Variants in POU2F1 observed in about 807,000 individuals in gnomAD.
The protein encoded by POU2F1 is POU domain, class 2, transcription factor 1.
In POU2F1, 16 loss-of-function variants were observed where a neutral mutation model predicts 84.9. The ratio of observed to expected loss-of-function variants is 0.19; its 90% CI spans 0.13 to 0.29. The LOEUF is 0.29. Ranked by LOEUF, POU2F1 falls within the 10% of genes least tolerant of loss-of-function variation. The pLI, the probability that POU2F1 is intolerant of heterozygous loss-of-function variation, is 1.00. For synonymous variants in POU2F1, 368 were observed against 368.3 expected (o/e 1.00, Z 0.01); for missense variants, 738 against 942.6 (o/e 0.78, Z 2.84).
intron 13 of POU2F1, among the ~76,000 whole-genome samples, chr1:167,403,581 C>CT (rs1190245565): frequency 6.6e-6 from 1 of 152,136 alleles, no homozygotes; most frequent in Non-Finnish European, 1.5e-5. Context: ...TTTATACTGC[C>CT]TTCTTTTTTT....
At chr1:167,349,871 A>G (rs1658442404) in intron 2 of POU2F1, among the ~76,000 whole-genome samples, 1 of 152,228 alleles carries the variant, frequency 6.6e-6, no homozygotes, top group Non-Finnish European at 1.5e-5. Flanking sequence ...AGTCTTGTGT[A>G]TATGGGCGTA....
chr1:167,275,019 G>T, intron 1 of POU2F1, among the ~76,000 whole-genome samples: 1 of 146,722 alleles, frequency 6.8e-6, no homozygotes, highest in African/African-American at 2.5e-5. Flanking sequence ...ATCTTACTTA[G>T]TCAAATAAAT....
chr1:167,287,021 G>A (rs61806106), intron 1 of POU2F1, among the ~76,000 whole-genome samples: 3,181 of 152,262 alleles, frequency 0.021, 241 homozygotes, highest in Admixed American at 0.15. Flanking sequence ...TGTTGTACTG[G>A]ATCTTCTCGA....
Position 167,398,101 on chromosome 1 carries a change from A to G in POU2F1, c.1237A>G (p.Ile413Val), listed in dbSNP as rs1209729012. ...RKKRTSIETN[I>V]RVALEKSFLE... is the part of the protein sequence containing the mutation. ...GAAACGCACCAGCATAGAGACCAAC[A>G]TCCGTGTGGCCTTAGAGAAGAGTTT... The change falls in exon 11 of 16, where the codon ATC becomes GTC. Residue 413 changes from isoleucine to valine, a missense_variant. Physicochemically the swap from Ile to Val is conservative, Grantham distance 29 (BLOSUM62 3). Around this residue, in one of 4 missense-constraint regions of POU2F1, gnomAD observed 95 missense variants for 195.1 expected, o/e 0.49. Transcript: ENST00000367866. 6.2e-7 allele frequency: 1 copy of G among 1,614,004 alleles called. No homozygotes were observed. The highest frequency in any genetic ancestry group is 1.3e-5 in the African/African-American group (1 of 74,914).
chr1:167,361,040 G>A (rs1360201631), intron 2 of POU2F1, among the ~76,000 whole-genome samples: 3 of 151,916 alleles, frequency 2.0e-5, no homozygotes, highest in African/African-American at 7.3e-5. Context: ...TTCATGTATA[G>A]GAATGCTACT....
At chr1:167,386,179 T>C (rs1391180411) in intron 8 of POU2F1, among the ~76,000 whole-genome samples, 1 of 152,170 alleles carries the variant, frequency 6.6e-6, no homozygotes, top group Non-Finnish European at 1.5e-5. Context: ...TTGGAAATTA[T>C]TTTGGCAGTT....
chr1:167,349,663 T>A (rs576742265), intron 2 of POU2F1, among the ~76,000 whole-genome samples: 1 of 152,324 alleles, frequency 6.6e-6, no homozygotes, highest in South Asian at 2.1e-4. Flanking sequence ...TTTTATAACC[T>A]CAGCATCTGG....
At position 167,376,052 on chromosome 1, in the gene POU2F1, T is replaced by A; in HGVS notation, c.615T>A (p.Leu205=). 6.2e-7 allele frequency: 1 copy of A among 1,614,244 alleles called. No individual in the cohort carries two copies. Among genetic ancestry groups the A allele is most frequent in the Non-Finnish European group, 8.5e-7 (1 of 1,180,032 alleles). The change falls in exon 7 of 16, where the codon CTT becomes CTA. Residue 205 remains leucine (L), a synonymous_variant. Coordinates refer to ENST00000367866, the MANE Select transcript of POU2F1 (RefSeq NM_002697.4). ...IAQDLQQLQQ[L]QQQNLNLQQF... ...AGGATCTTCAACAACTGCAACAGCT[T>A]CAACAGCAGAATCTCAACCTGCAAC...
chr1:167,421,767 A>G lies in POU2F1; in HGVS notation c.*5957A>G, dbSNP rs1479481790. ...GTTTTAAACTAAAAACCAAATAAAT[A>G]AGTGAAAAAATTTTATAAATAGTGG... On this transcript the variant is annotated 3_prime_UTR_variant, in exon 16 of 16. Transcript: ENST00000367866. The G allele has an allele frequency of 6.6e-6, 1 of 152,182 alleles. No individual in the cohort carries two copies. The highest frequency in any genetic ancestry group is 1.5e-5 in the Non-Finnish European group (1 of 68,032). 9.4% of individuals were successfully genotyped at this position (152,182 alleles called of 1,614,324 possible).
intron 1 of POU2F1, among the ~76,000 whole-genome samples, chr1:167,313,124 A>T (rs1014306056): frequency 6.6e-6 from 1 of 152,218 alleles, no homozygotes; most frequent in Non-Finnish European, 1.5e-5. Context: ...ATCCAACAAA[A>T]CATGTACAGG....
At chr1:167,227,358 C>G (rs1359816708) in intron 1 of POU2F1, among the ~76,000 whole-genome samples, 3 of 152,102 alleles carry the variant, frequency 2.0e-5, no homozygotes, top group Admixed American at 6.6e-5. Context: ...GTTTCCCCCC[C>G]TCTGTTGAAC....
intron 1 of POU2F1, among the ~76,000 whole-genome samples, chr1:167,250,634 T>C (rs974247889): frequency 6.6e-6 from 1 of 152,226 alleles, no homozygotes; most frequent in Non-Finnish European, 1.5e-5. Flanking sequence ...CTTTAAACTT[T>C]GGCATAGCCA....
Position 167,246,642 on chromosome 1 carries a change from A to G in POU2F1, c.61+25684A>G, listed in dbSNP as rs144720483. Among the ~76,000 whole-genome samples the G allele has an allele frequency of 1.1e-3, 162 of 152,338 alleles. 2 individuals are homozygous for G. The East Asian group carries it at 0.028, about 26-fold the overall frequency. The stretch of plus-strand genomic sequence containing the variant: ...ATTTTCAGTGCTGACTGACAAATGC[A>G]GTAAATTGGACACTCATATCTGTTA... On this transcript the variant is annotated intron_variant, in intron 1 of 15. Transcript: ENST00000367866.
At chr1:167,334,611 CTTG>C (rs1657312586) in intron 2 of POU2F1, among the ~76,000 whole-genome samples, 2 of 152,102 alleles carry the variant, frequency 1.3e-5, no homozygotes, top group Non-Finnish European at 2.9e-5. Context: ...GACTGGAGCA[CTTG>C]TTGTAACCGT....
At chr1:167,256,211 A>G (rs1651122669) in intron 1 of POU2F1, among the ~76,000 whole-genome samples, 2 of 152,174 alleles carry the variant, frequency 1.3e-5, no homozygotes, top group Non-Finnish European at 2.9e-5. Context: ...GCCTGAGAAT[A>G]AGAAAATACA....
At chr1:167,398,649 T>C (rs1272936905) in intron 11 of POU2F1, among the ~76,000 whole-genome samples, 1 of 152,204 alleles carries the variant, frequency 6.6e-6, no homozygotes, top group Non-Finnish European at 1.5e-5. Context: ...CAATTATTTT[T>C]TTGTACCAGG....
At chr1:167,319,905 C>T (rs951619639) in intron 1 of POU2F1, among the ~76,000 whole-genome samples, 1 of 152,198 alleles carries the variant, frequency 6.6e-6, no homozygotes, top group Non-Finnish European at 1.5e-5. Flanking sequence ...ATAGCTTTAG[C>T]TTCTTTCCAG....
At chr1:167,227,183 G>A (rs577938715) in intron 1 of POU2F1, among the ~76,000 whole-genome samples, 2 of 152,046 alleles carry the variant, frequency 1.3e-5, no homozygotes, top group Non-Finnish European at 2.9e-5. Context: ...ATTCCACAAA[G>A]CTAAGTGTTT....
At chr1:167,408,073 T>G (rs1649705751) in intron 13 of POU2F1, among the ~76,000 whole-genome samples, 1 of 152,170 alleles carries the variant, frequency 6.6e-6, no homozygotes, top group Non-Finnish European at 1.5e-5. Context: ...TGGACAAATG[T>G]TAGTAGACAT....
Sources: gnomAD v4.1 joint callset for allele counts (sites outside exome capture counted in the v4.1 genomes callset) on GRCh38, gnomAD v4.1.1 for gene constraint, gnomAD v4.1.1 regional missense constraint, MANE v1.5 for transcripts, NCBI Gene and HGNC (gene_info 2026-07-23, HGNC 2026-07-21) for gene names.